Variants in WDR41 observed in about 807,000 individuals in gnomAD.
WDR41 encodes WD repeat-containing protein 41.
In WDR41, 63 loss-of-function variants were observed where a neutral mutation model predicts 69.3. That is an observed-to-expected ratio of 0.91 (90% CI 0.74 to 1.12). The LOEUF is 1.12. Among genes scored for constraint, WDR41 ranks in the 50% most tolerant of loss-of-function variants. The pLI is 0.00. For missense variants in WDR41, 543 were observed against 534.5 expected (o/e 1.02, Z -0.16); for synonymous variants, 185 against 192.1 (o/e 0.96, Z 0.31).
chr5:77,517,374 T>C (rs893891446), intron 1 of WDR41, among the ~76,000 whole-genome samples: 3 of 152,032 alleles, frequency 2.0e-5, no homozygotes, highest in African/African-American at 4.8e-5. Context: ...GACTAGCTGA[T>C]GGAAAAACAA....
intron 1 of WDR41, among the ~76,000 whole-genome samples, chr5:77,608,872 C>A (rs529791672): frequency 1.3e-5 from 2 of 152,344 alleles, no homozygotes; most frequent in East Asian, 3.9e-4. Context: ...TCGGGAAGCA[C>A]AAGGGGACAG....
chr5:77,502,432 G>A (rs1271273244), intron 1 of WDR41, among the ~76,000 whole-genome samples: 2 of 152,084 alleles, frequency 1.3e-5, no homozygotes, highest in African/African-American at 4.8e-5. Flanking sequence ...ATGCAACCAA[G>A]TTGGAAAACA....
At position 77,453,843 on chromosome 5, in the gene WDR41, C is replaced by T; in HGVS notation, c.497G>A (p.Cys166Tyr). ...TGTATCAGAAAGGTGGCTAGTCTTA[C>T]ACAGGAGATCTAATTTTCGGTTCCA... ...CVWNRKLDLL[C>Y]KTSHLSDTGI... The change falls in exon 6 of 13, where the codon TGT (cysteine) becomes TAT (tyrosine). Residue 166 changes from cysteine (C) to tyrosine (Y), a missense_variant. Transcript: ENST00000296679. The T allele has an allele frequency of 1.2e-6, 2 of 1,613,994 alleles. No individual in the cohort carries two copies. The highest frequency in any genetic ancestry group is 1.1e-5 in the South Asian group (1 of 91,076).
At chr5:77,537,818 G>A (rs930586743) in intron 1 of WDR41, among the ~76,000 whole-genome samples, 1 of 152,196 alleles carries the variant, frequency 6.6e-6, no homozygotes, top group Non-Finnish European at 1.5e-5. Context: ...CCTGGTAAGT[G>A]TAAGTGCTCA....
intron 2 of WDR41, among the ~76,000 whole-genome samples, chr5:77,472,967 G>A (rs1344780765): frequency 3.4e-4 from 51 of 152,090 alleles, no homozygotes; most frequent in African/African-American, 1.2e-3. Flanking sequence ...TGCCAAGTCA[G>A]TCCTAAGCCA....
In WDR41 at chr5:77,489,502, G is replaced by A; in HGVS notation, c.122C>T (p.Ala41Val). 1 of 1,609,688 alleles carries A rather than the reference G, an allele frequency of 6.2e-7. No individual in the cohort carries two copies. The highest frequency in any genetic ancestry group is 8.5e-7 in the Non-Finnish European group (1 of 1,178,262). Reference protein sequence around the residue: ...NPYTELLVLKAHHDIVRFLVQ... With the variant: ...NPYTELLVLKVHHDIVRFLVQ... ...CAGAAATCGTACAATATCATGATGA[G>A]CCTTCAGTACTAGCAGTTCAGTGTA... Residue 41 changes from alanine to valine, a missense_variant, in exon 2 of 13, where the codon GCT (alanine) becomes GTT (valine). Transcript: ENST00000296679.
At chr5:77,454,056 G>T in intron 5 of WDR41, 128 bp from the exon 6 acceptor site, 1 of 686,770 alleles carries the variant, frequency 1.5e-6, no homozygotes, top group East Asian at 2.7e-5. Flanking sequence ...CTCCTTAGTA[G>T]ATCATGTGGG....
chr5:77,458,352 A>G (rs1233564548), intron 5 of WDR41, among the ~76,000 whole-genome samples: 1 of 152,096 alleles, frequency 6.6e-6, no homozygotes, highest in Non-Finnish European at 1.5e-5. Flanking sequence ...TTTTTACATT[A>G]AGAAAAAAAA....
Position 77,489,467 on chromosome 5 carries a change from C to G in WDR41, c.157G>C (p.Asp53His). The G allele has an allele frequency of 1.9e-6, 3 of 1,595,658 alleles. No homozygotes were observed. Among genetic ancestry groups the G allele is most frequent in the Middle Eastern group, 1.7e-4 (1 of 5,978 alleles). Residue 53 changes from aspartate (D) to histidine (H), a missense_variant, in exon 2 of 13, where the codon GAT (aspartate) becomes CAT (histidine). Transcript: ENST00000296679. ...HDIVRFLVQLDDYRFASAGDD... is the reference protein window; with the variant it reads ...HDIVRFLVQLHDYRFASAGDD... ...ACTATAGCTTCTTACCTGTAGTCAT[C>G]TAACTGTACCAGAAATCGTACAATA...
intron 1 of WDR41, among the ~76,000 whole-genome samples, chr5:77,500,762 G>A (rs953157155): frequency 1.3e-5 from 2 of 152,200 alleles, no homozygotes; most frequent in Non-Finnish European, 2.9e-5. Context: ...CCTGTAGATA[G>A]ACAAGCTGCT....
chr5:77,617,275 C>T (rs1490644252), intron 1 of WDR41, among the ~76,000 whole-genome samples: 2 of 152,156 alleles, frequency 1.3e-5, no homozygotes, highest in African/African-American at 4.8e-5. Context: ...TGGTGGCTAC[C>T]ATATTGGACA....
At chr5:77,462,954 A>T in intron 4 of WDR41, 141 bp downstream of exon 4, 1 of 808,452 alleles carries the variant, frequency 1.2e-6, no homozygotes, top group Non-Finnish European at 1.8e-6. Context: ...AATAAATGGT[A>T]TCTTATAAGT....
chr5:77,499,236 T>C (rs1228788285), intron 1 of WDR41: 2 of 152,342 alleles, frequency 1.3e-5, no homozygotes, highest in African/African-American at 4.8e-5. Flanking sequence ...AAGTCAGCAT[T>C]TCTTTTTTCT....
At chr5:77,498,269 A>T (rs1046487178) in intron 1 of WDR41, among the ~76,000 whole-genome samples, 1 of 152,238 alleles carries the variant, frequency 6.6e-6, no homozygotes, top group Non-Finnish European at 1.5e-5. Flanking sequence ...ACAATAAAAG[A>T]GATAAATAGA....
At chr5:77,443,899 TTG>T (rs57281292) in intron 8 of WDR41, among the ~76,000 whole-genome samples, 42,252 of 104,572 alleles carry the variant, frequency 0.4, 7,132 homozygotes, top group African/African-American at 0.45. Context: ...TTTTTTTTTT[TTG>T]AAATGAAGTC....
At position 77,432,879 on chromosome 5, in the gene WDR41, AAC is replaced by A. The variant is rs991977534; in HGVS notation, c.*254_*255del. Reference sequence around the variant, plus strand: ...GGATCTAGGTTCAAAATAAGCTCAAAACACAGCACTCACCACTTCAACAGCAG... The same window carrying A: ...GGATCTAGGTTCAAAATAAGCTCAAAACAGCACTCACCACTTCAACAGCAG... On this transcript the variant is annotated 3_prime_UTR_variant, in exon 13 of 13. Transcript: ENST00000296679. 1.2e-5 allele frequency: 4 copies of A among 331,824 alleles called. No homozygotes were observed. The highest frequency in any genetic ancestry group is 2.2e-5 in the Non-Finnish European group (4 of 185,102). The allele number at this position is 331,824 out of a possible 1,614,324, so 20.6% of individuals were successfully genotyped here.
chr5:77,505,782 G>A (rs1283539139), intron 1 of WDR41, among the ~76,000 whole-genome samples: 2 of 152,144 alleles, frequency 1.3e-5, no homozygotes, highest in Admixed American at 1.3e-4. Flanking sequence ...AACAAGAAAC[G>A]GGGAAAGGAT....
intron 8 of WDR41, among the ~76,000 whole-genome samples, chr5:77,441,890 GA>G (rs1799182767): frequency 6.6e-6 from 1 of 151,962 alleles, no homozygotes. Flanking sequence ...AAAAAAATGG[GA>G]AAAGGACCTG....
chr5:77,453,953 A>G (rs765438621), intron 5 of WDR41, 25 bp from the exon 6 acceptor site: 37 of 1,565,168 alleles, frequency 2.4e-5, no homozygotes, highest in Non-Finnish European at 3.0e-5. Flanking sequence ...TGAAATGTAT[A>G]TCAGGTTAGA....
Sources: allele counts gnomAD v4.1 joint callset (sites outside exome capture counted in the v4.1 genomes callset), GRCh38; gene constraint gnomAD v4.1.1; transcripts MANE v1.5; gene names NCBI Gene and HGNC (gene_info 2026-07-23, HGNC 2026-07-21).